Variants in FMNL1 observed in about 807,000 individuals in gnomAD.
FMNL1 encodes formin like 1, also known as formin-like protein 1.
A neutral mutation model predicts 121.3 loss-of-function variants in FMNL1; 43 were observed. The observed-to-expected ratio is 0.35, with a 90% CI of 0.28 to 0.46. The LOEUF (loss-of-function observed/expected upper bound fraction) is 0.46, where lower values mean the gene tolerates loss of function less well. Among genes scored for constraint, FMNL1 ranks in the 20% least tolerant of loss-of-function variants. The pLI is 1.00. For synonymous variants in FMNL1, 613 were observed against 613.5 expected (o/e 1.00, Z 0.01); for missense variants, 1,191 against 1,482.4 (o/e 0.80, Z 3.23).
Position 45,233,445 on chromosome 17 carries a change from C to T in FMNL1, c.401+148C>T, listed in dbSNP as rs1449114132. The stretch of plus-strand genomic sequence containing the variant: ...CTGGAGGTGTCCAGGACAGCTTCCC[C>T]TCCCCTTCCTGCCCATGCTCTGACT... On this transcript the variant is annotated intron_variant, in intron 4 of 26. Transcript: ENST00000331495. This position sits in a 1 kb window ranked among gnomAD's most constrained non-coding sequence, Gnocchi z 4.1. 4.0e-5 allele frequency: 40 copies of T among 1,003,766 alleles called. No homozygotes were observed. Among genetic ancestry groups the T allele is most frequent in the Non-Finnish European group, 5.2e-5 (36 of 692,134 alleles). The allele number at this position is 1,003,766 out of a possible 1,614,324, so 62.2% of individuals were successfully genotyped here. A position where few individuals can be genotyped will look rare whatever the true frequency, so the allele number is the denominator to read the frequency against.
chr17:45,243,221 G>A lies in FMNL1; in HGVS notation c.2114G>A (p.Ser705Asn). Residue 705 changes from serine (S) to asparagine (N), a missense_variant, in exon 17 of 27, where the codon AGC becomes AAC. Physicochemically the swap from Ser to Asn is conservative, Grantham distance 46 (BLOSUM62 1). Transcript: ENST00000331495. The part of the protein sequence containing the change: ...LKSKAAQKAP[S>N]KATLIEANRA... Reference sequence around the variant, plus strand: ...AGTAAGGCAGCCCAGAAGGCCCCCAGCAAGGCGACACTCATTGAGGCCAAC... The same window carrying A: ...AGTAAGGCAGCCCAGAAGGCCCCCAACAAGGCGACACTCATTGAGGCCAAC... 6.2e-7 allele frequency: 1 copy of A among 1,614,210 alleles called. No individual in the cohort carries two copies. Among genetic ancestry groups the A allele is most frequent in the Non-Finnish European group, 8.5e-7 (1 of 1,180,030 alleles).
intron 9 of FMNL1, chr17:45,238,170 G>T (rs1337788251): frequency 4.6e-6 from 1 of 217,176 alleles, no homozygotes. Context: ...GTTAGGAAAT[G>T]ATAAATGCTG....
intron 11 of FMNL1, among the ~76,000 whole-genome samples, chr17:45,239,669 G>T (rs191642907): frequency 3.3e-5 from 5 of 152,188 alleles, no homozygotes; most frequent in African/African-American, 7.2e-5. Flanking sequence ...CTGGCGGGGG[G>T]GTCTATCTGT....
chr17:45,243,428 C>A, intron 17 of FMNL1, 108 bp downstream of exon 17: 1 of 1,292,828 alleles, frequency 7.7e-7, no homozygotes, highest in Non-Finnish European at 1.1e-6. Context: ...TTTCATCAGG[C>A]TTCATACCAA....
chr17:45,241,623 C>A lies in FMNL1; in HGVS notation c.1574C>A (p.Ser525Tyr). ...CCGACTCCGGGGGTGCCGACCGGCTCCCCCAGCCCAGGTGCGCAGGAGCTT... is the reference window on the plus strand; with the variant it reads ...CCGACTCCGGGGGTGCCGACCGGCTACCCCAGCCCAGGTGCGCAGGAGCTT... ...DAPTPGVPTGSPSPDLAPAAE... is the reference protein window; with the variant it reads ...DAPTPGVPTGYPSPDLAPAAE... The change falls in exon 14 of 27, where the codon TCC becomes TAC. Residue 525 changes from serine to tyrosine, a missense_variant. Around this residue, in one of 4 missense-constraint regions of FMNL1, gnomAD observed 519 missense variants for 492.8 expected, o/e 1.05. Transcript: ENST00000331495. This position sits in a 1 kb window ranked among gnomAD's most constrained non-coding sequence, Gnocchi z 7.0. 1 of 1,513,404 alleles carries A rather than the reference C, an allele frequency of 6.6e-7. No homozygotes were observed. Among genetic ancestry groups the A allele is most frequent in the Non-Finnish European group, 8.9e-7 (1 of 1,128,676 alleles). 93.7% of individuals were successfully genotyped at this position (1,513,404 alleles called of 1,614,324 possible).
Position 45,246,539 on chromosome 17 carries a change from C to G in FMNL1, c.3246C>G (p.Gly1082=). 3 of 1,613,906 alleles carry G rather than the reference C, an allele frequency of 1.9e-6. No homozygotes were observed. In the South Asian group the frequency reaches 3.3e-5, roughly 18 times the overall value. The change falls in exon 26 of 27, where the codon GGC becomes GGG. Residue 1082 remains glycine (G), a synonymous_variant. Transcript: ENST00000331495. Reference sequence around the variant, plus strand: ...CGGTGCCCTTCACGGCCCGCACCGGCAAGCGGACATCCCGGCTCCTCTGTG... The same window carrying G: ...CGGTGCCCTTCACGGCCCGCACCGGGAAGCGGACATCCCGGCTCCTCTGTG... ...IKTVPFTART[G]KRTSRLLCEA...
At chr17:45,226,668 G>A (rs1226811943) in intron 1 of FMNL1, among the ~76,000 whole-genome samples, 1 of 152,172 alleles carries the variant, frequency 6.6e-6, no homozygotes, top group Non-Finnish European at 1.5e-5. Flanking sequence ...TGCTTAGAAC[G>A]GCACCTAGCA....
intron 6 of FMNL1, 146 bp downstream of exon 6, chr17:45,234,346 T>C: frequency 7.3e-7 from 1 of 1,375,454 alleles, no homozygotes; most frequent in South Asian, 1.2e-5. Flanking sequence ...CATACAGAGT[T>C]TGGGACACCA....
chr17:45,224,148 C>A (rs1170015684), intron 1 of FMNL1, among the ~76,000 whole-genome samples: 1 of 152,164 alleles, frequency 6.6e-6, no homozygotes, highest in Admixed American at 6.5e-5. Flanking sequence ...TGTGTTTATA[C>A]CTTCTTCCCG....
Position 45,233,966 on chromosome 17 carries a change from G to T in FMNL1, c.486-106G>T, listed in dbSNP as rs2043496181. ...GCCAAGAACACAGCCTCCTCCTCCT[G>T]CTCCTTAGTCTCACCTGCAGGTCTG... On this transcript the variant is annotated intron_variant, in intron 5 of 26. Transcript: ENST00000331495. The surrounding 1 kb of genome is among the most constrained non-coding windows in gnomAD (Gnocchi z 4.1). 4 of 1,479,912 alleles carry T rather than the reference G, an allele frequency of 2.7e-6. No individual in the cohort carries two copies. Among genetic ancestry groups the T allele is most frequent in the African/African-American group, 2.8e-5 (2 of 71,290 alleles). The allele number at this position is 1,479,912 out of a possible 1,614,324, so 91.7% of individuals were successfully genotyped here.
In FMNL1 at chr17:45,226,644, G is replaced by A. The variant is rs1213026942; in HGVS notation, c.130-3960G>A. On this transcript the variant is annotated intron_variant, in intron 1 of 26. Coordinates refer to ENST00000331495, the MANE Select transcript of FMNL1 (RefSeq NM_005892.4). ...TGTAGGCTTGTTGAGGTTTAAATGA[G>A]TTTTGATGTAAAGTGCTTAGAACGG... Among the ~76,000 whole-genome samples the A allele has an allele frequency of 3.3e-5, 5 of 152,282 alleles. No homozygotes were observed. In the East Asian group the frequency reaches 7.7e-4, roughly 24 times the overall value.
At chr17:45,232,716 T>C (rs567699875) in intron 3 of FMNL1, 35 of 611,538 alleles carry the variant, frequency 5.7e-5, no homozygotes, top group African/African-American at 5.1e-4. Context: ...TGTGTACTTA[T>C]ACTGTGTGTA....
Position 45,242,003 on chromosome 17 carries a change from C to T in FMNL1, c.1742C>T (p.Pro581Leu). The change falls in exon 15 of 27, where the codon CCC becomes CTC. Residue 581 changes from proline to leucine, a missense_variant. Pro to Leu is a moderately conservative substitution (Grantham distance 98). Coordinates refer to ENST00000331495, the MANE Select transcript of FMNL1 (RefSeq NM_005892.4). Reference protein sequence around the residue: ...SPEPPPAPPLPGDLPPPPPPP... With the variant: ...SPEPPPAPPLLGDLPPPPPPP... ...GAGCCCCCGCCTGCGCCGCCGCTGC[C>T]CGGAGACCTGCCGCCCCCACCCCCG... is the stretch of plus-strand genomic sequence containing the variant. 2 of 1,323,480 alleles carry T rather than the reference C, an allele frequency of 1.5e-6. No homozygotes were observed. Among genetic ancestry groups the T allele is most frequent in the Non-Finnish European group, 1.9e-6 (2 of 1,036,040 alleles). The allele number at this position is 1,323,480 out of a possible 1,614,324, so 82.0% of individuals were successfully genotyped here. A position where few individuals can be genotyped will look rare whatever the true frequency, so the allele number is the denominator to read the frequency against.
intron 11 of FMNL1, chr17:45,239,381 G>GGCTACCTT: frequency 3.3e-6 from 1 of 305,118 alleles, no homozygotes; most frequent in Non-Finnish European, 6.2e-6. Flanking sequence ...TCTGGCTCTG[G>GGCTACCTT]GAGCACCAGC....
intron 6 of FMNL1, chr17:45,234,601 T>A (rs9910393): frequency 0.065 from 18,526 of 286,056 alleles, 703 homozygotes; most frequent in Admixed American, 0.12. Flanking sequence ...GGGATGGAGG[T>A]TGCAGTGAGC....
Position 45,242,061 on chromosome 17 carries a change from G to A in FMNL1, c.1800G>A (p.Pro600=). The change falls in exon 15 of 27, where the codon CCG becomes CCA. Residue 600 remains proline (P), a synonymous_variant. Coordinates refer to ENST00000331495, the MANE Select transcript of FMNL1 (RefSeq NM_005892.4). ...PPPPPPGTDG[P]VPPPPPPPPP... Reference sequence around the variant, plus strand: ...CACCACCTCCGGGCACTGACGGGCCGGTGCCTCCGCCGCCGCCGCCGCCGC... The same window carrying A: ...CACCACCTCCGGGCACTGACGGGCCAGTGCCTCCGCCGCCGCCGCCGCCGC... 1 of 1,473,836 alleles carries A rather than the reference G, an allele frequency of 6.8e-7. No individual in the cohort carries two copies. Among genetic ancestry groups the A allele is most frequent in the Non-Finnish European group, 9.0e-7 (1 of 1,115,554 alleles). 91.3% of individuals were successfully genotyped at this position (1,473,836 alleles called of 1,614,324 possible).
At chr17:45,244,119 T>G (rs1306112960) in intron 18 of FMNL1, 57 bp from the exon 19 acceptor site, 1 of 1,608,770 alleles carries the variant, frequency 6.2e-7, no homozygotes, top group African/African-American at 1.3e-5. Context: ...TGGGAGTACT[T>G]GAGCCTCCAG....
chr17:45,229,426 C>CTGCAG (rs1567957535), intron 1 of FMNL1, among the ~76,000 whole-genome samples: 1 of 152,296 alleles, frequency 6.6e-6, no homozygotes, highest in East Asian at 1.9e-4. Flanking sequence ...CTGACTGCTC[C>CTGCAG]AGCTGTGGCG....
intron 1 of FMNL1, among the ~76,000 whole-genome samples, chr17:45,227,516 C>T (rs1376181466): frequency 6.6e-6 from 1 of 152,160 alleles, no homozygotes; most frequent in Non-Finnish European, 1.5e-5. Flanking sequence ...AAAGATGAAT[C>T]CTGTCTCTTT....
Sources: allele counts gnomAD v4.1 joint callset (sites outside exome capture counted in the v4.1 genomes callset), GRCh38; gene constraint gnomAD v4.1.1; regional missense constraint gnomAD v4.1.1; non-coding constraint Gnocchi (gnomAD v3.1); transcripts MANE v1.5; gene names NCBI Gene and HGNC (gene_info 2026-07-23, HGNC 2026-07-21).